The following ZNF746 variants were observed in gnomAD, a reference collection of about 807,000 sequenced individuals.
The protein encoded by ZNF746 is zinc finger protein 746.
Under a neutral mutation model 41.0 loss-of-function variants are expected in ZNF746, and 13 were observed. The observed-to-expected ratio is 0.32, with a 90% CI of 0.21 to 0.50. The LOEUF is 0.50. ZNF746 is among the 20% of genes least tolerant of loss of function. The pLI is 0.98. For missense variants in ZNF746, 811 were observed against 922.9 expected (o/e 0.88, Z 1.57); for synonymous variants, 424 against 396.2 (o/e 1.07, Z -0.83).
intron 4 of ZNF746, among the ~76,000 whole-genome samples, chr7:149,486,541 A>G (rs1223422237): frequency 6.6e-6 from 1 of 152,252 alleles, no homozygotes; most frequent in East Asian, 1.9e-4. Flanking sequence ...TGAATGAGCT[A>G]CAGCTATACT....
chr7:149,476,308 C>T (rs1220965573), intron 6 of ZNF746, among the ~76,000 whole-genome samples: 23 of 100,076 alleles, frequency 2.3e-4, no homozygotes, highest in East Asian at 3.2e-4. Context: ...AGTGAGACTC[C>T]GCCTCAAAAA....
Position 149,495,243 on chromosome 7 carries a change from A to G in ZNF746, c.25-740T>C, listed in dbSNP as rs186708469. ...CTTTTTGACACTGCCTGAGCCCTAC[A>G]AGATTCTTTCTCTTTCCCAATTCCC... On this transcript the variant is annotated intron_variant, in intron 1 of 6. Transcript: ENST00000458143. 1.8e-4 allele frequency among the ~76,000 whole-genome samples: 28 copies of G among 152,128 alleles called. No individual in the cohort carries two copies. The East Asian group carries it at 4.6e-3, about 25-fold the overall frequency.
chr7:149,494,182 C>T lies in ZNF746; in HGVS notation c.324+22G>A. 6.2e-7 allele frequency: 1 copy of T among 1,613,782 alleles called. No individual in the cohort carries two copies. The highest frequency in any genetic ancestry group is 8.5e-7 in the Non-Finnish European group (1 of 1,179,722). ...GGGTTTGGCCGCTTGGGCTCCCACA[C>T]CCCAAGGCGTCCCAGGGCTACCTTA... On this transcript the variant is annotated intron_variant, in intron 2 of 6. Coordinates refer to ENST00000458143, the MANE Select transcript of ZNF746 (RefSeq NM_001394198.1). This position sits in a 1 kb window ranked among gnomAD's most constrained non-coding sequence, Gnocchi z 5.6.
intron 1 of ZNF746, among the ~76,000 whole-genome samples, chr7:149,496,539 T>C (rs1047570129): frequency 4.6e-5 from 7 of 152,076 alleles, no homozygotes; most frequent in Non-Finnish European, 1.0e-4. Context: ...ACCAAAACCA[T>C]CTTCTCCAGG....
intron 4 of ZNF746, 127 bp downstream of exon 4, chr7:149,492,732 G>C: frequency 1.7e-5 from 12 of 708,512 alleles, no homozygotes; most frequent in Non-Finnish European, 2.0e-5. Flanking sequence ...AAAAACTCAA[G>C]ACATAAAACC....
rs1800365994 is a variant in ZNF746 at position 149,477,893 on chromosome 7, C to T, written c.566-138G>A. 9.0e-6 allele frequency: 6 copies of T among 663,108 alleles called. No homozygotes were observed. In the South Asian group the frequency reaches 1.2e-4, roughly 13 times the overall value. The allele number at this position is 663,108 out of a possible 1,614,324, so 41.1% of individuals were successfully genotyped here. A position where few individuals can be genotyped will look rare whatever the true frequency, so the allele number is the denominator to read the frequency against. The stretch of plus-strand genomic sequence containing the variant: ...AAGAGCCTGGTGGGAAGGGAGGCAG[C>T]AGCAAACAGGATGGGAGCCTAGGGC... On this transcript the variant is annotated intron_variant, in intron 4 of 6. Coordinates refer to ENST00000458143, the MANE Select transcript of ZNF746 (RefSeq NM_001394198.1).
In ZNF746 at chr7:149,474,124, AAAAAC is replaced by A. The variant is rs1411871675; in HGVS notation, c.*255_*259del. 4.1e-5 allele frequency: 21 copies of A among 517,904 alleles called. No individual in the cohort carries two copies. The highest frequency in any genetic ancestry group is 6.2e-5 in the Non-Finnish European group (18 of 292,408). 32.1% of individuals were successfully genotyped at this position (517,904 alleles called of 1,614,324 possible). On this transcript the variant is annotated 3_prime_UTR_variant, in exon 7 of 7. Coordinates refer to ENST00000458143, the MANE Select transcript of ZNF746 (RefSeq NM_001394198.1). The surrounding 1 kb of genome is among the most constrained non-coding windows in gnomAD (Gnocchi z 6.3). ...TTTCCTCAAGAATTAAAAAAAAACA[AAAAAC>A]AAAAAACAAAACAGGTTTGCAATTA... is the stretch of plus-strand genomic sequence containing the variant.
chr7:149,477,202 T>C (rs1323986831), intron 5 of ZNF746, among the ~76,000 whole-genome samples, 155 bp from the exon 6 acceptor site: 1 of 152,114 alleles, frequency 6.6e-6, no homozygotes, highest in East Asian at 1.9e-4. Context: ...CCAGTGTCTT[T>C]TGTCCCCCTT....
intron 4 of ZNF746, among the ~76,000 whole-genome samples, chr7:149,486,553 C>T (rs1800630673): frequency 1.3e-5 from 2 of 152,146 alleles, no homozygotes; most frequent in African/African-American, 2.4e-5. Flanking sequence ...AGCTATACTA[C>T]ATTAACATGG....
Position 149,475,100 on chromosome 7 carries a change from T to A in ZNF746, c.1267A>T (p.Asn423Tyr), listed in dbSNP as rs958084329. ...PEGLPYSSPD[N>Y]GEAILDPSQA... The stretch of plus-strand genomic sequence containing the variant: ...CTGGGGTCCAAGATGGCCTCTCCGT[T>A]GTCCGGGGAGGAGTAAGGAAGCCCC... The change falls in exon 7 of 7, where the codon AAC becomes TAC. Residue 423 changes from asparagine (N) to tyrosine (Y), a missense_variant. Coordinates refer to ENST00000458143, the MANE Select transcript of ZNF746 (RefSeq NM_001394198.1). The A allele has an allele frequency of 1.9e-6, 3 of 1,607,970 alleles. No homozygotes were observed. In the African/African-American group the frequency reaches 4.0e-5, roughly 21 times the overall value.
In ZNF746 at chr7:149,497,224, C is replaced by A. The variant is rs1801034031; in HGVS notation, c.24+289G>T. 11 of 983,204 alleles carry A rather than the reference C, an allele frequency of 1.1e-5. No individual in the cohort carries two copies. Among genetic ancestry groups the A allele is most frequent in the Non-Finnish European group, 1.3e-5 (11 of 828,100 alleles). The allele number at this position is 983,204 out of a possible 1,614,324, so 60.9% of individuals were successfully genotyped here. On this transcript the variant is annotated intron_variant, in intron 1 of 6. Coordinates refer to ENST00000458143, the MANE Select transcript of ZNF746 (RefSeq NM_001394198.1). This position sits in a 1 kb window ranked among gnomAD's most constrained non-coding sequence, Gnocchi z 4.2. ...GGGGGCACCCAGAAGGAGGGGACAGCGGCTGGGGCGGGGGCAGGAAGCCCC... is the reference window on the plus strand; with the variant it reads ...GGGGGCACCCAGAAGGAGGGGACAGAGGCTGGGGCGGGGGCAGGAAGCCCC...
intron 6 of ZNF746, among the ~76,000 whole-genome samples, chr7:149,476,249 C>T (rs1296409337): frequency 5.5e-5 from 7 of 128,168 alleles, no homozygotes; most frequent in Non-Finnish European, 9.3e-5. Flanking sequence ...GAAGGCGGAG[C>T]GTGCAGTGAG....
rs956575360 is a variant in ZNF746 at position 149,494,005 on chromosome 7, C to G, written c.435G>C (p.Glu145Asp). 6.2e-7 allele frequency: 1 copy of G among 1,614,116 alleles called. No homozygotes were observed. Reference sequence around the variant, plus strand: ...AGGCCTTACCCAGGGAGACCAGCGTCTCGTAGTTGCCCCTCATCACGTGCT... The same window carrying G: ...AGGCCTTACCCAGGGAGACCAGCGTGTCGTAGTTGCCCCTCATCACGTGCT... Reference protein sequence around the residue: ...LYKHVMRGNYETLVSLDYAIS... With the variant: ...LYKHVMRGNYDTLVSLDYAIS... The change falls in exon 3 of 7, where the codon GAG (glutamate) becomes GAC (aspartate). Residue 145 changes from glutamate to aspartate, a missense_variant. Around this residue, in one of 4 missense-constraint regions of ZNF746, gnomAD observed 147 missense variants for 233.4 expected, o/e 0.63. Coordinates refer to ENST00000458143, the MANE Select transcript of ZNF746 (RefSeq NM_001394198.1). The surrounding 1 kb of genome is among the most constrained non-coding windows in gnomAD (Gnocchi z 5.6).
In ZNF746 at chr7:149,476,853, G is replaced by A; in HGVS notation, c.883+69C>T. ...TCAGAGCAGTTCACCAGTGAAAATG[G>A]GATGCCTGGACCGAGGTACTCCCCA... On this transcript the variant is annotated intron_variant, in intron 6 of 6. Transcript: ENST00000458143. 3.1e-6 allele frequency: 5 copies of A among 1,607,800 alleles called. No individual in the cohort carries two copies. The African/African-American group carries it at 4.0e-5, about 13-fold the overall frequency.
intron 5 of ZNF746, 24 bp from the exon 6 acceptor site, chr7:149,477,071 C>G (rs755389297): frequency 1.1e-5 from 18 of 1,605,142 alleles, no homozygotes; most frequent in Non-Finnish European, 1.4e-5. Context: ...AGAGCAGAGC[C>G]GGTGGGTTAG....
intron 4 of ZNF746, among the ~76,000 whole-genome samples, chr7:149,478,084 G>A (rs559348940): frequency 3.3e-5 from 5 of 152,120 alleles, no homozygotes; most frequent in Non-Finnish European, 5.9e-5. Context: ...AAGAAATGCT[G>A]AACAAAAGTG....
chr7:149,477,496 C>T (rs906280727), intron 5 of ZNF746, 68 bp downstream of exon 5: 11 of 1,509,392 alleles, frequency 7.3e-6, no homozygotes, highest in South Asian at 5.1e-5. Context: ...CATGCTGCCA[C>T]GAGCCCTCCC....
chr7:149,481,356 G>A (rs118176695), intron 4 of ZNF746, among the ~76,000 whole-genome samples: 17,295 of 152,172 alleles, frequency 0.11, 1,343 homozygotes, highest in Non-Finnish European at 0.17. Flanking sequence ...ACATCCTCCT[G>A]TATACTTTAA....
Position 149,474,486 on chromosome 7 carries a change from G to A in ZNF746, c.1881C>T (p.Phe627=). 1.2e-6 allele frequency: 2 copies of A among 1,610,686 alleles called. No individual in the cohort carries two copies. Among genetic ancestry groups the A allele is most frequent in the Non-Finnish European group, 1.7e-6 (2 of 1,178,446 alleles). The change falls in exon 7 of 7, where the codon TTC becomes TTT. Residue 627 remains phenylalanine (F), a synonymous_variant. Transcript: ENST00000458143. This position sits in a 1 kb window ranked among gnomAD's most constrained non-coding sequence, Gnocchi z 6.3. ...AAGGTCCTTTGGAGGCGGGGCTCTT[G>A]AAGGGATCAGGAGGTGCGGGCGGCG... ...LPTPPAPPDP[F]KSPASKGPLA...
Sources: allele counts gnomAD v4.1 joint callset (sites outside exome capture counted in the v4.1 genomes callset), GRCh38; gene constraint gnomAD v4.1.1; regional missense constraint gnomAD v4.1.1; non-coding constraint Gnocchi (gnomAD v3.1); transcripts MANE v1.5; gene names NCBI Gene and HGNC (gene_info 2026-07-23, HGNC 2026-07-21).